RBFOX1: variants seen among roughly 807,000 people sequenced by gnomAD.
RBFOX1 encodes RNA binding fox-1 homolog 1.
A neutral mutation model predicts 57.7 loss-of-function variants in RBFOX1; 8 were observed. The ratio of observed to expected loss-of-function variants is 0.14; its 90% CI spans 0.08 to 0.25. The LOEUF is 0.25. RBFOX1 is among the 10% of genes least tolerant of loss of function. RBFOX1 has a pLI of 1.00. For synonymous variants in RBFOX1, 326 were observed against 222.4 expected (o/e 1.47, Z -4.15); for missense variants, 611 against 548.5 (o/e 1.11, Z -1.14).
chr16:6,268,335 A>T (rs771364454), intron 1 of RBFOX1, among the ~76,000 whole-genome samples: 23 of 152,222 alleles, frequency 1.5e-4, no homozygotes, highest in Admixed American at 2.6e-4. Context: ...CTCTGCTCCC[A>T]TCACCCTAAT....
chr16:6,655,634 C>T (rs1045664949), intron 3 of RBFOX1, among the ~76,000 whole-genome samples: 1 of 152,118 alleles, frequency 6.6e-6, no homozygotes, highest in Non-Finnish European at 1.5e-5. Context: ...AGTTCACAGA[C>T]ATTTCTGCAG....
At chr16:6,680,976 G>A (rs186784643) in intron 3 of RBFOX1, among the ~76,000 whole-genome samples, 3 of 152,276 alleles carry the variant, frequency 2.0e-5, no homozygotes, top group Admixed American at 6.5e-5. Context: ...AACATAGTTC[G>A]TAGAAAACTT....
chr16:6,913,139 C>T lies in RBFOX1; in HGVS notation c.-15-138918C>T, dbSNP rs566459608. On this transcript the variant is annotated intron_variant, in intron 3 of 15. Coordinates refer to ENST00000550418, the MANE Select transcript of RBFOX1 (RefSeq NM_018723.4). The stretch of plus-strand genomic sequence containing the variant: ...GGCCGCTGGGAGGCTGAAGAAGACA[C>T]GTTTTTTTGTTTTGTTTTGTTTTTT... Among the ~76,000 whole-genome samples, 15 of 151,102 alleles carry T rather than the reference C, an allele frequency of 9.9e-5. No homozygotes were observed. The South Asian group carries it at 1.3e-3, about 13-fold the overall frequency.
At chr16:6,231,878 A>G (rs1567731999) in intron 1 of RBFOX1, among the ~76,000 whole-genome samples, 3 of 148,208 alleles carry the variant, frequency 2.0e-5, no homozygotes, top group African/African-American at 5.0e-5. Flanking sequence ...AAATGCAGCA[A>G]TAATTGAAAA....
chr16:7,358,128 A>G (rs1360922306), intron 4 of RBFOX1, among the ~76,000 whole-genome samples: 1 of 152,226 alleles, frequency 6.6e-6, no homozygotes, highest in Non-Finnish European at 1.5e-5. Flanking sequence ...ATTAACTTTC[A>G]TAACTCACTC....
At chr16:7,252,046 G>A (rs142469081) in intron 4 of RBFOX1, among the ~76,000 whole-genome samples, 86 of 152,278 alleles carry the variant, frequency 5.6e-4, no homozygotes, top group Middle Eastern at 6.8e-3. Flanking sequence ...AGTGGAGAAG[G>A]ATATTGTGTT....
intron 1 of RBFOX1, among the ~76,000 whole-genome samples, chr16:5,242,244 C>A (rs1268868461): frequency 6.6e-6 from 1 of 152,174 alleles, no homozygotes; most frequent in Non-Finnish European, 1.5e-5. Context: ...AGAAACCCCA[C>A]TGAATTTCTT....
At chr16:6,628,037 C>G (rs1326242532) in intron 2 of RBFOX1, among the ~76,000 whole-genome samples, 4 of 152,214 alleles carry the variant, frequency 2.6e-5, no homozygotes, top group Non-Finnish European at 5.9e-5. Flanking sequence ...CAAAGGACAT[C>G]TCTGGGTCAC....
chr16:5,425,084 T>C (rs1409298163), intron 1 of RBFOX1, among the ~76,000 whole-genome samples: 6 of 143,856 alleles, frequency 4.2e-5, no homozygotes, highest in African/African-American at 1.6e-4. Context: ...TATCTATCTA[T>C]CTATCTATCT....
chr16:5,689,966 A>G (rs1449332492), intron 3 of RBFOX1, among the ~76,000 whole-genome samples: 2 of 152,166 alleles, frequency 1.3e-5, no homozygotes, highest in East Asian at 1.9e-4. Flanking sequence ...ATGCAGAGAG[A>G]CAGCAGGGGA....
At chr16:7,195,543 T>C (rs914059938) in intron 4 of RBFOX1, among the ~76,000 whole-genome samples, 1 of 152,080 alleles carries the variant, frequency 6.6e-6, no homozygotes, top group African/African-American at 2.4e-5. Context: ...CTCTCTTTAT[T>C]TATGTATTTA....
chr16:5,364,999 A>T (rs1401235342), intron 1 of RBFOX1, among the ~76,000 whole-genome samples: 1 of 152,164 alleles, frequency 6.6e-6, no homozygotes, highest in African/African-American at 2.4e-5. Flanking sequence ...GTTCTTCAAG[A>T]AGCAAACTCC....
At chr16:7,219,298 G>C (rs1235674715) in intron 4 of RBFOX1, among the ~76,000 whole-genome samples, 1 of 152,184 alleles carries the variant, frequency 6.6e-6, no homozygotes, top group Non-Finnish European at 1.5e-5. Flanking sequence ...AGGACTGTAA[G>C]ACACAGCAAA....
intron 1 of RBFOX1, among the ~76,000 whole-genome samples, chr16:6,179,024 T>C (rs981387953): frequency 6.6e-6 from 1 of 152,210 alleles, no homozygotes; most frequent in Non-Finnish European, 1.5e-5. Context: ...ACAAGCCATC[T>C]GGAGACCATC....
intron 1 of RBFOX1, among the ~76,000 whole-genome samples, chr16:6,284,127 G>C (rs1030954162): frequency 2.6e-5 from 4 of 152,176 alleles, no homozygotes; most frequent in Non-Finnish European, 5.9e-5. Flanking sequence ...TGGTACTGAA[G>C]TGGTAGATGG....
chr16:7,693,417 T>A (rs77293908), intron 14 of RBFOX1: 2 of 464,710 alleles, frequency 4.3e-6, no homozygotes, highest in Non-Finnish European at 6.0e-6. Flanking sequence ...CTCAGTATCC[T>A]TTTTTTTTTT....
chr16:6,903,687 G>C (rs941392173), intron 3 of RBFOX1, among the ~76,000 whole-genome samples: 3 of 152,128 alleles, frequency 2.0e-5, no homozygotes, highest in African/African-American at 4.8e-5. Context: ...ATGCCTTTCA[G>C]AAAGTCTTTA....
intron 4 of RBFOX1, among the ~76,000 whole-genome samples, chr16:7,228,567 A>G (rs1386670619): frequency 6.6e-6 from 1 of 152,206 alleles, no homozygotes; most frequent in African/African-American, 2.4e-5. Flanking sequence ...GAAGTGAAGG[A>G]ATTTGTCCAT....
chr16:5,723,443 C>T (rs1347227108), intron 3 of RBFOX1, among the ~76,000 whole-genome samples: 1 of 87,316 alleles, frequency 1.1e-5, no homozygotes, highest in Non-Finnish European at 2.5e-5. Context: ...ATTTTGAGAC[C>T]TTTGGTCTAA....
Sources: gnomAD v4.1 joint callset for allele counts (sites outside exome capture counted in the v4.1 genomes callset) on GRCh38, gnomAD v4.1.1 for gene constraint, MANE v1.5 for transcripts, NCBI Gene and HGNC (gene_info 2026-07-23, HGNC 2026-07-21) for gene names.